Variants in ZFHX3 observed in about 807,000 individuals in gnomAD.
ZFHX3 encodes the protein zinc finger homeobox 3.
ZFHX3 carries 42 observed loss-of-function variants against 279.1 expected under a neutral mutation model. The observed-to-expected ratio is 0.15, with a 90% confidence interval of 0.12 to 0.19. The LOEUF (loss-of-function observed/expected upper bound fraction) is 0.19. Among genes scored for constraint, ZFHX3 ranks in the 10% least tolerant of loss-of-function variants. The probability of loss-of-function intolerance (pLI) is 1.00; values close to 1 mark genes in which losing one functional copy is unlikely to be tolerated. For synonymous variants in ZFHX3, 2,293 were observed against 1,957.8 expected (o/e 1.17, Z -4.52); for missense variants, 4,981 against 4,754.0 (o/e 1.05, Z -1.40).
intron 1 of ZFHX3, among the ~76,000 whole-genome samples, chr16:73,776,667 A>G (rs1215024391): frequency 2.0e-5 from 3 of 152,184 alleles, no homozygotes; most frequent in Non-Finnish European, 2.9e-5. Context: ...GGGATAAGGT[A>G]AAGTTAATTG....
In ZFHX3 at chr16:72,787,039, C is replaced by CT. The variant is rs76239888; in HGVS notation, c.*124dup. The CT allele has an allele frequency of 0.12, 78,553 of 679,488 alleles. 742 individuals are homozygous for CT. The highest frequency in any genetic ancestry group is 0.27 in the East Asian group (4,850 of 18,022). The allele number at this position is 679,488 out of a possible 1,614,324, so 42.1% of individuals were successfully genotyped here. ...ACAACCCACGCTTTTTCTTTTTTTT[C>CT]TTTTTTTTTTTTTTTTTGTTTTTTG... On this transcript the variant is annotated 3_prime_UTR_variant, in exon 10 of 10. Transcript: ENST00000268489.
chr16:73,361,477 T>C (rs1451592925), intron 3 of ZFHX3, among the ~76,000 whole-genome samples: 2 of 152,256 alleles, frequency 1.3e-5, no homozygotes, highest in Non-Finnish European at 1.5e-5. Flanking sequence ...CTGTTGTGGT[T>C]TTAAGTCACT....
intron 1 of ZFHX3, among the ~76,000 whole-genome samples, chr16:73,722,259 A>G (rs576290768): frequency 1.3e-5 from 2 of 152,284 alleles, no homozygotes; most frequent in African/African-American, 4.8e-5. Flanking sequence ...AAAGAAACCA[A>G]GGAGGGTGAT....
upstream of ZFHX3, chr16:73,061,986 A>C (rs939765551): frequency 2.6e-5 from 4 of 152,156 alleles, no homozygotes; most frequent in Non-Finnish European, 5.9e-5. Context: ...TTACTGAGTG[A>C]ATTCGTTATA....
chr16:73,535,798 C>T (rs2019890551), intron 2 of ZFHX3, among the ~76,000 whole-genome samples: 1 of 149,676 alleles, frequency 6.7e-6, no homozygotes, highest in African/African-American at 2.5e-5. Context: ...TCTCGGCTCA[C>T]TGCAACCTCC....
chr16:73,544,204 G>A (rs370030397), intron 2 of ZFHX3, among the ~76,000 whole-genome samples: 22 of 151,968 alleles, frequency 1.4e-4, no homozygotes, highest in African/African-American at 5.1e-4. Flanking sequence ...GAAAAAAAAA[G>A]GTGGGGTGGA....
chr16:73,537,849 G>A (rs2019934692), intron 2 of ZFHX3, among the ~76,000 whole-genome samples: 1 of 152,150 alleles, frequency 6.6e-6, no homozygotes, highest in Non-Finnish European at 1.5e-5. Context: ...TAGGGTCGTG[G>A]CTTTTTTGAA....
intron 1 of ZFHX3, among the ~76,000 whole-genome samples, chr16:73,774,247 A>G (rs1199781918): frequency 6.6e-6 from 1 of 152,148 alleles, no homozygotes; most frequent in Non-Finnish European, 1.5e-5. Flanking sequence ...AAGGGTGGAC[A>G]TTGTCTATTT....
intron 8 of ZFHX3, among the ~76,000 whole-genome samples, chr16:73,073,558 G>T (rs1239407053): frequency 6.6e-6 from 1 of 152,160 alleles, no homozygotes; most frequent in Non-Finnish European, 1.5e-5. Flanking sequence ...GAGTGCAGGG[G>T]CACGATCTCA....
intron 1 of ZFHX3, among the ~76,000 whole-genome samples, chr16:73,714,352 C>T: frequency 6.6e-6 from 1 of 152,134 alleles, no homozygotes; most frequent in East Asian, 1.9e-4. Flanking sequence ...ACAACATTTC[C>T]CTTGGAAAGG....
chr16:73,486,886 G>T, intron 2 of ZFHX3: 1 of 455,684 alleles, frequency 2.2e-6, no homozygotes, highest in South Asian at 1.6e-5. Context: ...ACTCTTGCAA[G>T]AAATTCACAG....
At chr16:73,319,749 C>A (rs1460588285) in intron 3 of ZFHX3, among the ~76,000 whole-genome samples, 1 of 152,228 alleles carries the variant, frequency 6.6e-6, no homozygotes, top group South Asian at 2.1e-4. Flanking sequence ...AACGAAACCC[C>A]GCTTGAAAAA....
chr16:72,893,754 C>T (rs1047286221), intron 3 of ZFHX3, among the ~76,000 whole-genome samples: 12 of 152,156 alleles, frequency 7.9e-5, no homozygotes, highest in African/African-American at 2.9e-4. Context: ...CTAACCTGGT[C>T]CAGTGAACAC....
chr16:72,797,798 C>T lies in ZFHX3; in HGVS notation c.4884G>A (p.Lys1628=). The change falls in exon 9 of 10, where the codon AAG becomes AAA. Residue 1628 remains lysine, a synonymous_variant. Transcript: ENST00000268489. ...TGCTGCTGCCACTTGCAGCCTCCAG[C>T]TTGGCTGCCCGGGCCTTGGTTTGAT... ...VLHQTKARAA[K]LEAASGSSNG... 1 of 1,614,128 alleles carries T rather than the reference C, an allele frequency of 6.2e-7. No homozygotes were observed. Among genetic ancestry groups the T allele is most frequent in the Non-Finnish European group, 8.5e-7 (1 of 1,180,034 alleles).
At chr16:73,215,681 C>G (rs73597334) in intron 5 of ZFHX3, among the ~76,000 whole-genome samples, 3 of 152,168 alleles carry the variant, frequency 2.0e-5, no homozygotes, top group African/African-American at 4.8e-5. Flanking sequence ...TTGTCCTCCC[C>G]CCGATGCTGA....
intron 2 of ZFHX3, among the ~76,000 whole-genome samples, chr16:73,532,663 C>T (rs763805506): frequency 1.3e-5 from 2 of 152,128 alleles, no homozygotes; most frequent in Admixed American, 6.5e-5. Context: ...CTCTTTGTGC[C>T]TACATTTCCT....
intron 8 of ZFHX3, among the ~76,000 whole-genome samples, chr16:73,077,728 G>A (rs1044997109): frequency 3.7e-4 from 57 of 152,306 alleles, no homozygotes; most frequent in African/African-American, 1.2e-3. Flanking sequence ...GAATTAAATG[G>A]GGTCAAGACC....
chr16:73,229,949 G>T (rs1279731853), intron 5 of ZFHX3, among the ~76,000 whole-genome samples: 3 of 152,184 alleles, frequency 2.0e-5, no homozygotes, highest in Admixed American at 2.0e-4. Flanking sequence ...ATAAGCAAAT[G>T]ATAGATGATT....
intron 2 of ZFHX3, among the ~76,000 whole-genome samples, chr16:73,476,635 A>G (rs1187991327): frequency 6.6e-6 from 1 of 152,188 alleles, no homozygotes; most frequent in African/African-American, 2.4e-5. Context: ...TTATATGAAC[A>G]CCAAAACAAA....
Sources: gnomAD v4.1 joint callset for allele counts (sites outside exome capture counted in the v4.1 genomes callset) on GRCh38, gnomAD v4.1.1 for gene constraint, MANE v1.5 for transcripts, NCBI Gene and HGNC (gene_info 2026-07-23, HGNC 2026-07-21) for gene names.